The following RBMS1 variants were observed in gnomAD, a reference collection of about 807,000 sequenced individuals.
RBMS1 encodes RNA binding motif single stranded interacting protein 1.
A neutral mutation model predicts 62.3 loss-of-function variants in RBMS1; 17 were observed. The ratio of observed to expected loss-of-function variants is 0.27; its 90% confidence interval spans 0.19 to 0.41. The LOEUF is 0.41. Ranked by LOEUF, RBMS1 falls within the 10% of genes least tolerant of loss-of-function variation. The pLI, the probability that RBMS1 is intolerant of heterozygous loss-of-function variation, is 1.00. For synonymous variants in RBMS1, 172 were observed against 170.0 expected (o/e 1.01, Z -0.09); for missense variants, 334 against 504.5 (o/e 0.66, Z 3.24).
chr2:160,293,055 G>C (rs929952684), intron 6 of RBMS1, among the ~76,000 whole-genome samples: 1 of 152,126 alleles, frequency 6.6e-6, no homozygotes, highest in Non-Finnish European at 1.5e-5. Flanking sequence ...TTTATGTACC[G>C]GGTGAGGGAG....
At chr2:160,333,179 T>A (rs1691375854) in intron 2 of RBMS1, among the ~76,000 whole-genome samples, 2 of 151,732 alleles carry the variant, frequency 1.3e-5, no homozygotes, top group African/African-American at 4.8e-5. Flanking sequence ...TGAGATCGAG[T>A]TGAGGGAAAG....
intron 3 of RBMS1, among the ~76,000 whole-genome samples, chr2:160,317,747 C>T (rs1336525165): frequency 1.3e-5 from 2 of 152,208 alleles, no homozygotes; most frequent in African/African-American, 4.8e-5. Flanking sequence ...CTTAAAACTA[C>T]TCTATTCTAA....
chr2:160,483,836 G>A (rs1418553481), intron 1 of RBMS1, among the ~76,000 whole-genome samples: 1 of 152,056 alleles, frequency 6.6e-6, no homozygotes, highest in Non-Finnish European at 1.5e-5. Flanking sequence ...TGGACCTCAT[G>A]CCACCCAAGC....
intron 1 of RBMS1, among the ~76,000 whole-genome samples, chr2:160,420,420 T>C (rs1696377142): frequency 6.6e-6 from 1 of 152,192 alleles, no homozygotes. Flanking sequence ...CTCTCATCTA[T>C]TTTCCAAGAC....
chr2:160,317,187 C>A (rs1690272388), intron 3 of RBMS1, among the ~76,000 whole-genome samples: 1 of 152,134 alleles, frequency 6.6e-6, no homozygotes, highest in African/African-American at 2.4e-5. Flanking sequence ...TACAATGAAC[C>A]ACTTCAAGTC....
chr2:160,412,425 C>T (rs1486781232), intron 1 of RBMS1, among the ~76,000 whole-genome samples: 1 of 152,138 alleles, frequency 6.6e-6, no homozygotes, highest in African/African-American at 2.4e-5. Context: ...GACCTATCCA[C>T]AAAGCTAGTA....
intron 1 of RBMS1, among the ~76,000 whole-genome samples, chr2:160,416,589 C>A (rs1390738184): frequency 1.3e-5 from 2 of 152,104 alleles, no homozygotes; most frequent in African/African-American, 4.8e-5. Flanking sequence ...TTACCACCTG[C>A]CCCTGCCCCG....
At chr2:160,296,993 T>TAAAG (rs1688970060) in intron 6 of RBMS1, among the ~76,000 whole-genome samples, 1 of 152,114 alleles carries the variant, frequency 6.6e-6, no homozygotes, top group African/African-American at 2.4e-5. Flanking sequence ...GGGTAGCAGT[T>TAAAG]AAAGGCTCCC....
intron 1 of RBMS1, among the ~76,000 whole-genome samples, chr2:160,457,955 TGTTG>T (rs1684311922): frequency 3.6e-5 from 1 of 27,960 alleles, no homozygotes; most frequent in Non-Finnish European, 1.4e-4. Context: ...TTGGTTTGTT[TGTTG>T]TTGTTGTTGT....
chr2:160,444,651 T>C (rs917296394), intron 1 of RBMS1, among the ~76,000 whole-genome samples: 9 of 152,170 alleles, frequency 5.9e-5, no homozygotes, highest in Non-Finnish European at 1.3e-4. Context: ...CAAAAATGGC[T>C]ATGTTGAAGA....
chr2:160,402,784 A>G (rs1440716556), intron 1 of RBMS1, among the ~76,000 whole-genome samples: 1 of 152,178 alleles, frequency 6.6e-6, no homozygotes, highest in Admixed American at 6.5e-5. Context: ...AGGCCACTTA[A>G]GATGTCACTG....
At chr2:160,332,354 T>C (rs1309617432) in intron 2 of RBMS1, among the ~76,000 whole-genome samples, 1 of 152,188 alleles carries the variant, frequency 6.6e-6, no homozygotes, top group Non-Finnish European at 1.5e-5. Flanking sequence ...AGTTATAAAC[T>C]GGGACAAAAA....
rs534489507 is a variant in RBMS1 at position 160,444,480 on chromosome 2, T to A, written c.75+48809A>T. ...GTGTACTTTGCGTGTCTTACTCAAC[T>A]CATTTATTCAACATGATAAAGCTGT... On this transcript the variant is annotated intron_variant, in intron 1 of 13. Transcript: ENST00000348849. Among the ~76,000 whole-genome samples the A allele has an allele frequency of 6.8e-4, 103 of 152,358 alleles. 1 individual carries two copies. Among genetic ancestry groups the A allele is most frequent in the African/African-American group, 2.1e-3 (88 of 41,594 alleles).
At chr2:160,467,435 A>C (rs1401973421) in intron 1 of RBMS1, among the ~76,000 whole-genome samples, 1 of 152,220 alleles carries the variant, frequency 6.6e-6, no homozygotes, top group Non-Finnish European at 1.5e-5. Context: ...AGGAACAGTG[A>C]CGAAAGAAAC....
intron 4 of RBMS1, among the ~76,000 whole-genome samples, chr2:160,306,815 G>C (rs1429785817): frequency 1.3e-5 from 2 of 151,530 alleles, no homozygotes; most frequent in Non-Finnish European, 2.9e-5. Flanking sequence ...GACATATAAT[G>C]CATGTGATAA....
chr2:160,305,557 T>C (rs948153554), intron 4 of RBMS1, among the ~76,000 whole-genome samples: 1 of 152,176 alleles, frequency 6.6e-6, no homozygotes, highest in Non-Finnish European at 1.5e-5. Context: ...CAAAATCACC[T>C]AACAATGCAT....
intron 1 of RBMS1, among the ~76,000 whole-genome samples, chr2:160,413,168 G>A (rs1696095499): frequency 6.6e-6 from 1 of 152,092 alleles, no homozygotes; most frequent in Admixed American, 6.5e-5. Context: ...AAAGGTGAAA[G>A]GAATTAAGAG....
At chr2:160,315,440 AG>A (rs1181795255) in intron 3 of RBMS1, among the ~76,000 whole-genome samples, 4 of 152,212 alleles carry the variant, frequency 2.6e-5, no homozygotes, top group Non-Finnish European at 5.9e-5. Flanking sequence ...GAGGCTTCCC[AG>A]GAGAATTCCT....
At chr2:160,429,320 G>A (rs904328278) in intron 1 of RBMS1, among the ~76,000 whole-genome samples, 2 of 152,078 alleles carry the variant, frequency 1.3e-5, no homozygotes, top group Non-Finnish European at 2.9e-5. Context: ...ACTCACACAG[G>A]AGAAAGTGGG....
Sources: allele counts gnomAD v4.1 joint callset (sites outside exome capture counted in the v4.1 genomes callset), GRCh38; gene constraint gnomAD v4.1.1; transcripts MANE v1.5; gene names NCBI Gene and HGNC (gene_info 2026-07-23, HGNC 2026-07-21).